Variants in SDK2 observed in about 807,000 individuals in gnomAD.
SDK2 encodes protein sidekick-2.
SDK2 carries 105 observed loss-of-function variants against 253.9 expected under a neutral mutation model. That is an observed-to-expected ratio of 0.41 (90% CI 0.35 to 0.49). The LOEUF is 0.49. Ranked by LOEUF, SDK2 falls within the 20% of genes least tolerant of loss-of-function variation. The pLI, the probability that SDK2 is intolerant of heterozygous loss-of-function variation, is 0.06. For synonymous variants in SDK2, 1,249 were observed against 1,234.9 expected (o/e 1.01, Z -0.24); for missense variants, 2,608 against 3,003.0 (o/e 0.87, Z 3.07).
intron 1 of SDK2, chr17:73,519,635 C>T (rs918158976): frequency 3.6e-4 from 55 of 152,178 alleles, no homozygotes; most frequent in African/African-American, 1.3e-3. Flanking sequence ...TTATTTCTCT[C>T]ATCTGAAGCT....
chr17:73,402,419 G>A (rs2063036464), intron 18 of SDK2, among the ~76,000 whole-genome samples: 1 of 152,244 alleles, frequency 6.6e-6, no homozygotes, highest in Admixed American at 6.5e-5. Flanking sequence ...AGAGACCCAG[G>A]AGGGAGGCAT....
At position 73,457,031 on chromosome 17, in the gene SDK2, T is replaced by A. The variant is rs561196903; in HGVS notation, c.332-978A>T. ...ACCTGCTGGATCAGAAGCAGCATTT[T>A]AGCAAGACGCTTGGCAAGTGTGTCC... On this transcript the variant is annotated intron_variant, in intron 3 of 44. Coordinates refer to ENST00000392650, the MANE Select transcript of SDK2 (RefSeq NM_001144952.2). Among the ~76,000 whole-genome samples, 552 of 152,334 alleles carry A rather than the reference T, an allele frequency of 3.6e-3. 4 individuals carry two copies. Among genetic ancestry groups the A allele is most frequent in the African/African-American group, 0.013 (532 of 41,580 alleles).
In SDK2 at chr17:73,483,699, ATATATATATTTTT is replaced by A. The variant is rs1567799522; in HGVS notation, c.225-11494_225-11482del. Among the ~76,000 whole-genome samples the A allele has an allele frequency of 2.3e-4, 15 of 63,846 alleles. No homozygotes were observed. In the South Asian group the frequency reaches 3.9e-3, roughly 17 times the overall value. The allele number at this position is 63,846 out of a possible 152,430, so 41.9% of individuals were successfully genotyped here. A position where few individuals can be genotyped will look rare whatever the true frequency, so the allele number is the denominator to read the frequency against. The stretch of plus-strand genomic sequence containing the variant: ...TATATATATTTATATATATATATAT[ATATATATATTTTT>A]TTTTTTTTTTAGTAGAGTTGGGGTT... On this transcript the variant is annotated intron_variant, in intron 2 of 44. Coordinates refer to ENST00000392650, the MANE Select transcript of SDK2 (RefSeq NM_001144952.2).
chr17:73,440,565 G>A (rs12952453), intron 6 of SDK2, among the ~76,000 whole-genome samples: 31,972 of 152,074 alleles, frequency 0.21, 3,606 homozygotes, highest in East Asian at 0.34. Context: ...TACGTCCCAG[G>A]CTGACGTCCC....
At chr17:73,536,902 G>T (rs938322505) in intron 1 of SDK2, among the ~76,000 whole-genome samples, 1 of 152,192 alleles carries the variant, frequency 6.6e-6, no homozygotes, top group Non-Finnish European at 1.5e-5. Context: ...CCCCTAATGG[G>T]ATCAACATCT....
chr17:73,631,020 G>A (rs1567883390), intron 1 of SDK2, among the ~76,000 whole-genome samples: 1 of 152,130 alleles, frequency 6.6e-6, no homozygotes, highest in African/African-American at 2.4e-5. Context: ...TGGGACAGAG[G>A]AGCATGGGCA....
rs934466311 is a variant in SDK2 at position 73,383,630 on chromosome 17, A to G, written c.4705+246T>C. ...GGCTCCTCCTCCAGCCTGCAACTCCAAGAGGGCAGGGACCCTGTCTGTCTT... is the reference window on the plus strand; with the variant it reads ...GGCTCCTCCTCCAGCCTGCAACTCCGAGAGGGCAGGGACCCTGTCTGTCTT... On this transcript the variant is annotated intron_variant, in intron 33 of 44. Transcript: ENST00000392650. This position sits in a 1 kb window ranked among gnomAD's most constrained non-coding sequence, Gnocchi z 4.3. Among the ~76,000 whole-genome samples the G allele has an allele frequency of 1.3e-5, 2 of 152,160 alleles. No homozygotes were observed. Among genetic ancestry groups the G allele is most frequent in the Non-Finnish European group, 2.9e-5 (2 of 68,024 alleles).
At chr17:73,461,128 T>C (rs1307187658) in intron 3 of SDK2, among the ~76,000 whole-genome samples, 3 of 152,244 alleles carry the variant, frequency 2.0e-5, no homozygotes, top group Admixed American at 6.5e-5. Flanking sequence ...TCTCTTTCTA[T>C]AGATGCTAAG....
intron 1 of SDK2, among the ~76,000 whole-genome samples, chr17:73,579,767 G>A (rs1292662894): frequency 3.9e-5 from 6 of 151,952 alleles, no homozygotes; most frequent in African/African-American, 7.3e-5. Flanking sequence ...ACCTGAGGTC[G>A]GGAGTTCAAG....
At chr17:73,565,016 A>G (rs1413997144) in intron 1 of SDK2, among the ~76,000 whole-genome samples, 1 of 152,178 alleles carries the variant, frequency 6.6e-6, no homozygotes, top group African/African-American at 2.4e-5. Flanking sequence ...TGTTTAGAAG[A>G]TAGAAATGGC....
At chr17:73,472,257 AGCT>A (rs1387165627) in intron 2 of SDK2, 39 bp from the exon 3 acceptor site, 2 of 1,463,842 alleles carry the variant, frequency 1.4e-6, no homozygotes, top group Admixed American at 3.9e-5. Context: ...CAAGTCAGGC[AGCT>A]GCAGGGGTAC....
At position 73,385,877 on chromosome 17, in the gene SDK2, G is replaced by A. The variant is rs772568053; in HGVS notation, c.4539C>T (p.His1513=). The change falls in exon 32 of 45, where the codon CAC becomes CAT. Residue 1513 remains histidine (H), a synonymous_variant. Transcript: ENST00000392650. ...EAPTILSVTP[H]TTTSVLIRWQ... is the part of the protein sequence containing the mutation. ...ATCGGATTAGCACGGAGGTGGTGGTGTGGGGCGTCACGGAGAGGATGGTGG... is the reference window on the plus strand; with the variant it reads ...ATCGGATTAGCACGGAGGTGGTGGTATGGGGCGTCACGGAGAGGATGGTGG... 5.0e-6 allele frequency: 8 copies of A among 1,609,088 alleles called. No individual in the cohort carries two copies. The South Asian group carries it at 7.8e-5, about 16-fold the overall frequency.
intron 2 of SDK2, among the ~76,000 whole-genome samples, chr17:73,478,406 G>A (rs1226544402): frequency 6.6e-6 from 1 of 150,756 alleles, no homozygotes; most frequent in Non-Finnish European, 1.5e-5. Flanking sequence ...GAGCACCTCA[G>A]GGGCTGGGCT....
At chr17:73,419,814 G>T (rs2063214296) in intron 15 of SDK2, among the ~76,000 whole-genome samples, 1 of 151,440 alleles carries the variant, frequency 6.6e-6, no homozygotes, top group African/African-American at 2.4e-5. Context: ...AGCCCAGGAG[G>T]TTGAGGCTGC....
At chr17:73,475,788 G>A (rs553617833) in intron 2 of SDK2, among the ~76,000 whole-genome samples, 6 of 152,296 alleles carry the variant, frequency 3.9e-5, no homozygotes, top group African/African-American at 1.2e-4. Flanking sequence ...TATTCTTATC[G>A]GTTGCTGTTC....
rs534078471 is a variant in SDK2 at position 73,352,964 on chromosome 17, T to C, written c.5594-327A>G. ...AAAATTAGTCTGGTGTGGTGGCACATGCCTGTAATCCCAGCTACTGGGGAA... is the reference window on the plus strand; with the variant it reads ...AAAATTAGTCTGGTGTGGTGGCACACGCCTGTAATCCCAGCTACTGGGGAA... On this transcript the variant is annotated intron_variant, in intron 40 of 44. Coordinates refer to ENST00000392650, the MANE Select transcript of SDK2 (RefSeq NM_001144952.2). This position sits in a 1 kb window ranked among gnomAD's most constrained non-coding sequence, Gnocchi z 4.1. Among the ~76,000 whole-genome samples the C allele has an allele frequency of 3.9e-5, 6 of 152,220 alleles. 1 individual carries two copies. The South Asian group carries it at 1.2e-3, about 32-fold the overall frequency.
chr17:73,547,088 C>T (rs1299608675), intron 1 of SDK2, among the ~76,000 whole-genome samples: 1 of 152,244 alleles, frequency 6.6e-6, no homozygotes, highest in African/African-American at 2.4e-5. Flanking sequence ...CCTGCCCTGC[C>T]TAGGGCATCT....
chr17:73,445,839 G>A (rs529244668), intron 5 of SDK2, among the ~76,000 whole-genome samples: 7 of 152,326 alleles, frequency 4.6e-5, no homozygotes, highest in East Asian at 1.9e-4. Flanking sequence ...ATAAATCAGC[G>A]TGTGATGGCA....
chr17:73,432,414 C>T (rs1278749361), intron 10 of SDK2, among the ~76,000 whole-genome samples: 1 of 152,242 alleles, frequency 6.6e-6, no homozygotes, highest in East Asian at 1.9e-4. Context: ...TCCGTTTGTA[C>T]ATGCGTGCAG....
Sources: gnomAD v4.1 joint callset for allele counts (sites outside exome capture counted in the v4.1 genomes callset) on GRCh38, gnomAD v4.1.1 for gene constraint, Gnocchi (gnomAD v3.1) non-coding constraint, MANE v1.5 for transcripts, NCBI Gene and HGNC (gene_info 2026-07-23, HGNC 2026-07-21) for gene names.